OPCML: variants seen among roughly 807,000 people sequenced by gnomAD.
OPCML encodes opioid-binding protein/cell adhesion molecule.
A neutral mutation model predicts 37.8 loss-of-function variants in OPCML; 13 were observed. That is an observed-to-expected ratio of 0.34 (90% CI 0.22 to 0.55). The LOEUF (loss-of-function observed/expected upper bound fraction) is 0.55. Ranked by LOEUF, OPCML falls within the 20% of genes least tolerant of loss-of-function variation. OPCML has a pLI of 0.91. For synonymous variants in OPCML, 176 were observed against 168.8 expected (o/e 1.04, Z -0.33); for missense variants, 341 against 435.6 (o/e 0.78, Z 1.93).
At chr11:133,106,725 T>C (rs74897524) in intron 1 of OPCML, among the ~76,000 whole-genome samples, 2 of 152,292 alleles carry the variant, frequency 1.3e-5, no homozygotes, top group East Asian at 3.9e-4. Context: ...GTCAGCTGCT[T>C]AGGATGGGGG....
chr11:133,210,447 T>C (rs1939305925), intron 1 of OPCML, among the ~76,000 whole-genome samples: 1 of 152,146 alleles, frequency 6.6e-6, no homozygotes, highest in Admixed American at 6.5e-5. Context: ...TCAGATCCCT[T>C]TTTCTGGTCT....
intron 1 of OPCML, chr11:133,420,822 C>T (rs777404049): frequency 1.5e-5 from 15 of 985,148 alleles, no homozygotes; most frequent in South Asian, 4.7e-5. Context: ...GAAGGAACAT[C>T]GGGAGATTTC....
chr11:133,317,015 T>C (rs1943218798), intron 1 of OPCML, among the ~76,000 whole-genome samples: 1 of 152,098 alleles, frequency 6.6e-6, no homozygotes, highest in African/African-American at 2.4e-5. Flanking sequence ...CTGGCCAACA[T>C]GGTGAAACCC....
At chr11:132,468,335 C>A (rs1324474066) in intron 4 of OPCML, among the ~76,000 whole-genome samples, 1 of 152,190 alleles carries the variant, frequency 6.6e-6, no homozygotes, top group Non-Finnish European at 1.5e-5. Context: ...TACCCCCATC[C>A]TTTCTCAAGA....
intron 2 of OPCML, among the ~76,000 whole-genome samples, chr11:132,731,641 C>T (rs148053230): frequency 8.9e-4 from 135 of 152,136 alleles, no homozygotes; most frequent in African/African-American, 3.2e-3. Flanking sequence ...GAGTGTGTTG[C>T]GTTAGTCCAC....
At position 132,419,828 on chromosome 11, in the gene OPCML, C is replaced by T; in HGVS notation, c.*365G>A. The T allele has an allele frequency of 9.6e-6, 2 of 209,294 alleles. No homozygotes were observed. The highest frequency in any genetic ancestry group is 2.1e-4 in the South Asian group (2 of 9,578). 13.0% of individuals were successfully genotyped at this position (209,294 alleles called of 1,614,324 possible). A position where few individuals can be genotyped will look rare whatever the true frequency, so the allele number is the denominator to read the frequency against. ...TGTCTTCAGGGTGTTTATTGTGAGG[C>T]TCAATTTTTGCCCAAATGAAACTTA... On this transcript the variant is annotated 3_prime_UTR_variant, in exon 8 of 8. Transcript: ENST00000524381.
At chr11:132,681,473 C>T (rs893502103) in intron 2 of OPCML, among the ~76,000 whole-genome samples, 12 of 152,058 alleles carry the variant, frequency 7.9e-5, no homozygotes, top group Non-Finnish European at 1.6e-4. Context: ...AGAAAGGAGT[C>T]CAGTCAGGAA....
At chr11:133,321,377 T>C (rs1240575799) in intron 1 of OPCML, among the ~76,000 whole-genome samples, 2 of 152,114 alleles carry the variant, frequency 1.3e-5, no homozygotes, top group Admixed American at 6.6e-5. Flanking sequence ...CAAAAGAGCA[T>C]TGATTTTGGT....
At position 132,900,122 on chromosome 11, in the gene OPCML, A is replaced by G. The variant is rs187732335; in HGVS notation, c.146+42804T>C. On this transcript the variant is annotated intron_variant, in intron 2 of 7. Transcript: ENST00000524381. ...AGTAATACAGACCTGTACAACTTGC[A>G]TTCTTTTTATCAGCTCTTAACTGCA... Among the ~76,000 whole-genome samples the G allele has an allele frequency of 1.4e-3, 219 of 152,238 alleles. 2 individuals carry two copies. Among genetic ancestry groups the G allele is most frequent in the South Asian group, 3.7e-3 (18 of 4,818 alleles).
intron 1 of OPCML, among the ~76,000 whole-genome samples, chr11:133,490,718 T>G (rs1473756430): frequency 2.0e-5 from 3 of 152,158 alleles, no homozygotes; most frequent in African/African-American, 7.2e-5. Context: ...TTTCTTGCTT[T>G]TTTTGATGAT....
chr11:133,262,070 A>C (rs1941512460), intron 1 of OPCML, among the ~76,000 whole-genome samples: 1 of 152,190 alleles, frequency 6.6e-6, no homozygotes, highest in Non-Finnish European at 1.5e-5. Context: ...TGAAAAAATA[A>C]TTACTTTTAG....
At chr11:133,186,624 G>A (rs1354969478) in intron 1 of OPCML, among the ~76,000 whole-genome samples, 2 of 152,120 alleles carry the variant, frequency 1.3e-5, no homozygotes, top group African/African-American at 4.8e-5. Context: ...CATTTTTGTG[G>A]CCTCTGCACT....
At chr11:133,076,437 A>G (rs1948621770) in intron 1 of OPCML, among the ~76,000 whole-genome samples, 1 of 152,174 alleles carries the variant, frequency 6.6e-6, no homozygotes, top group South Asian at 2.1e-4. Flanking sequence ...GCAAAGAAAA[A>G]TGTCCCTGCA....
In OPCML at chr11:133,107,419, T is replaced by C. The variant is rs149590187; in HGVS notation, c.62-164409A>G. On this transcript the variant is annotated intron_variant, in intron 1 of 7. Transcript: ENST00000524381. ...ATGCCCTCACTGATTTACAGAGGCATTGCTGTCCTTGTCCATGCTTCTGGA... is the reference window on the plus strand; with the variant it reads ...ATGCCCTCACTGATTTACAGAGGCACTGCTGTCCTTGTCCATGCTTCTGGA... Among the ~76,000 whole-genome samples, 581 of 152,330 alleles carry C rather than the reference T, an allele frequency of 3.8e-3. 2 individuals carry two copies. Among genetic ancestry groups the C allele is most frequent in the African/African-American group, 0.013 (540 of 41,580 alleles).
At chr11:132,761,673 T>G (rs146412052) in intron 2 of OPCML, among the ~76,000 whole-genome samples, 2 of 152,136 alleles carry the variant, frequency 1.3e-5, no homozygotes, top group Non-Finnish European at 2.9e-5. Flanking sequence ...ATTTATCTTC[T>G]TCTCTTAACT....
At chr11:133,267,755 G>A (rs954822142) in intron 1 of OPCML, among the ~76,000 whole-genome samples, 10 of 152,030 alleles carry the variant, frequency 6.6e-5, no homozygotes, top group Admixed American at 1.3e-4. Context: ...GGTCTTTCCC[G>A]TGCTGTTCTC....
intron 2 of OPCML, among the ~76,000 whole-genome samples, chr11:132,741,623 C>T (rs2136039789): frequency 6.6e-6 from 1 of 152,212 alleles, no homozygotes; most frequent in South Asian, 2.1e-4. Context: ...TAACTTAAGT[C>T]CTTATAATAT....
intron 1 of OPCML, among the ~76,000 whole-genome samples, chr11:133,273,142 C>T (rs551451457): frequency 5.9e-5 from 9 of 152,250 alleles, no homozygotes; most frequent in Non-Finnish European, 1.2e-4. Context: ...CTCCCTAGGA[C>T]GCACGACTAT....
intron 2 of OPCML, among the ~76,000 whole-genome samples, chr11:132,707,014 A>T (rs372080813): frequency 6.6e-6 from 1 of 152,198 alleles, no homozygotes; most frequent in East Asian, 1.9e-4. Flanking sequence ...CTGGGGATGG[A>T]AGAAAGTTGG....
Sources: allele counts gnomAD v4.1 joint callset (sites outside exome capture counted in the v4.1 genomes callset), GRCh38; gene constraint gnomAD v4.1.1; transcripts MANE v1.5; gene names NCBI Gene and HGNC (gene_info 2026-07-23, HGNC 2026-07-21).